The following BRWD3 variants were observed in gnomAD, a reference collection of about 807,000 sequenced individuals.
BRWD3 encodes bromodomain and WD repeat-containing protein 3.
BRWD3 carries 10 observed loss-of-function variants against 149.7 expected under a neutral mutation model. That is an observed-to-expected ratio of 0.07 (90% CI 0.04 to 0.11). The LOEUF is 0.11. Among genes scored for constraint, BRWD3 ranks in the 10% least tolerant of loss-of-function variants. BRWD3 has a pLI of 1.00. For missense variants in BRWD3, 940 were observed against 1,373.2 expected (o/e 0.68, Z 4.99); for synonymous variants, 504 against 456.7 (o/e 1.10, Z -1.32).
At chrX:80,684,195 T>G (rs1339618005) in intron 36 of BRWD3, 33 bp from the exon 37 acceptor site, 2 of 1,138,931 alleles carry the variant, frequency 1.8e-6, no homozygotes, top group African/African-American at 1.8e-5. Context: ...AAATACTGTA[T>G]AGCAATATTA....
intron 14 of BRWD3, among the ~76,000 whole-genome samples, chrX:80,726,019 TATATAAC>T (rs2073228769): frequency 9.3e-6 from 1 of 107,912 alleles, no homozygotes; most frequent in African/African-American, 3.5e-5. Flanking sequence ...GTTATATGTC[TATATAAC>T]ATATAACATG....
rs1455728676 is a variant in BRWD3 at position 80,780,162 on chromosome X, G to A, written c.430+11692C>T. 6.3e-5 allele frequency among the ~76,000 whole-genome samples: 7 copies of A among 110,492 alleles called. No homozygotes were observed. The Admixed American group carries it at 6.8e-4, about 11-fold the overall frequency. The stretch of plus-strand genomic sequence containing the variant: ...CCTCCAACTAAACAAACCTGGCACT[G>A]TTTTACCTCTTCCCTTTGTGAAGCA... On this transcript the variant is annotated intron_variant, in intron 6 of 40. Coordinates refer to ENST00000373275, the MANE Select transcript of BRWD3 (RefSeq NM_153252.5).
At position 80,673,168 on chromosome X, in the gene BRWD3, G is replaced by A. The variant is rs1257515843; in HGVS notation, c.*3441C>T. The A allele has an allele frequency of 8.9e-6, 1 of 111,869 alleles. No individual in the cohort carries two copies. The highest frequency in any genetic ancestry group is 3.2e-5 in the African/African-American group (1 of 30,808). The allele number at this position is 111,869 out of a possible 1,213,427, so 9.2% of individuals were successfully genotyped here. On this transcript the variant is annotated 3_prime_UTR_variant, in exon 41 of 41. Transcript: ENST00000373275. ...GCTGAGTTAAATATCTGAGCGCACA[G>A]TTGTGCAGAATGAGATTTCTAATTT...
At chrX:80,795,814 CCAG>C (rs1233983811) in intron 4 of BRWD3, among the ~76,000 whole-genome samples, 9 of 110,418 alleles carry the variant, frequency 8.2e-5, no homozygotes, top group Admixed American at 7.7e-4. Flanking sequence ...GCCTGTAGTC[CCAG>C]CTACTCGGGA....
In BRWD3 at chrX:80,681,369, A is replaced by C; in HGVS notation, c.4626T>G (p.Phe1542Leu). 8.3e-7 allele frequency: 1 copy of C among 1,210,950 alleles called. No individual in the cohort carries two copies. Among genetic ancestry groups the C allele is most frequent in the Non-Finnish European group, 1.1e-6 (1 of 895,077 alleles). The part of the protein sequence containing the change: ...NSHDPGKAKS[F>L]RNRVLPVKQD... The stretch of plus-strand genomic sequence containing the variant: ...GTTTAACTGGCAAAACTCTATTCCG[A>C]AATGATTTGGCTTTCCCTGGGTCAT... Residue 1542 changes from phenylalanine to leucine, a missense_variant, in exon 40 of 41, where the codon TTT becomes TTG. By Grantham distance (22) the Phe-to-Leu change is conservative. This residue lies in a region of BRWD3 where 349 missense variants were observed against 419.6 expected (regional missense o/e 0.83). Coordinates refer to ENST00000373275, the MANE Select transcript of BRWD3 (RefSeq NM_153252.5).
At position 80,809,243 on chromosome X, in the gene BRWD3, T is replaced by C. The variant is rs1187885321; in HGVS notation, c.90+3A>G. The C allele has an allele frequency of 4.2e-6, 5 of 1,198,528 alleles. No homozygotes were observed. The highest frequency in any genetic ancestry group is 5.6e-6 in the Non-Finnish European group (5 of 887,641). On this transcript the variant is annotated splice_donor_region_variant and intron_variant, in intron 2 of 40. Coordinates refer to ENST00000373275, the MANE Select transcript of BRWD3 (RefSeq NM_153252.5). ...GACTCCCAGATCTCTTTCTTCCCCT[T>C]ACCTGAGCGGATTTGTTGCAGGGTC...
In BRWD3 at chrX:80,672,228, T is replaced by C. The variant is rs1293385781; in HGVS notation, c.*4381A>G. 1.8e-5 allele frequency: 2 copies of C among 109,203 alleles called. No homozygotes were observed. Among genetic ancestry groups the C allele is most frequent in the African/African-American group, 6.7e-5 (2 of 29,928 alleles). The allele number at this position is 109,203 out of a possible 1,213,427, so 9.0% of individuals were successfully genotyped here. Reference sequence around the variant, plus strand: ...CAAAAATTGCCAATCTTAAGTGTGGTAAATTAGGTGCAGTTTTCATGGCAG... The same window carrying C: ...CAAAAATTGCCAATCTTAAGTGTGGCAAATTAGGTGCAGTTTTCATGGCAG... On this transcript the variant is annotated 3_prime_UTR_variant, in exon 41 of 41. Transcript: ENST00000373275.
At chrX:80,728,720 C>A in intron 14 of BRWD3, 32 bp downstream of exon 14, 1 of 1,137,069 alleles carries the variant, frequency 8.8e-7, no homozygotes, top group East Asian at 3.1e-5. Flanking sequence ...GCTTTTTGAC[C>A]ATTTTAATTA....
At chrX:80,785,078 T>C (rs909453275) in intron 6 of BRWD3, among the ~76,000 whole-genome samples, 2 of 112,239 alleles carry the variant, frequency 1.8e-5, no homozygotes, top group African/African-American at 6.5e-5. Flanking sequence ...AGTGTAACTA[T>C]GGCAAAGTTT....
chrX:80,726,514 A>C (rs942135899), intron 14 of BRWD3, among the ~76,000 whole-genome samples: 1 of 110,899 alleles, frequency 9.0e-6, no homozygotes, highest in Non-Finnish European at 1.9e-5. Flanking sequence ...GATTAAGAAC[A>C]GGCTCCAAGC....
intron 17 of BRWD3, among the ~76,000 whole-genome samples, chrX:80,720,879 A>G (rs767318697): frequency 2.7e-5 from 3 of 111,192 alleles, no homozygotes; most frequent in Non-Finnish European, 5.7e-5. Context: ...ACAAATATGT[A>G]CCATTGTATG....
chrX:80,700,175 T>C (rs1372583232), intron 24 of BRWD3, 111 bp from the exon 25 acceptor site: 1 of 572,663 alleles, frequency 1.7e-6, no homozygotes, highest in Non-Finnish European at 2.8e-6. Flanking sequence ...ATAATTATAA[T>C]ATTGAAAGAC....
At chrX:80,697,050 C>T (rs1435330459) in intron 25 of BRWD3, among the ~76,000 whole-genome samples, 187 bp from the exon 26 acceptor site, 1 of 111,259 alleles carries the variant, frequency 9.0e-6, no homozygotes, top group African/African-American at 3.3e-5. Context: ...TAGTGCAAGG[C>T]TCTAAACCAA....
intron 6 of BRWD3, among the ~76,000 whole-genome samples, chrX:80,791,110 T>C (rs1301434490): frequency 1.8e-5 from 2 of 112,419 alleles, no homozygotes; most frequent in Non-Finnish European, 3.8e-5. Context: ...CTAAACTACA[T>C]AAGCTTAATG....
In BRWD3 at chrX:80,724,965, G is replaced by A. The variant is rs1440107192; in HGVS notation, c.1489C>T (p.Arg497Trp). The change falls in exon 15 of 41, where the codon CGG (arginine) becomes TGG (tryptophan). Residue 497 changes from arginine (R) to tryptophan (W), a missense_variant. Around this residue, in one of 6 missense-constraint regions of BRWD3, gnomAD observed 209 missense variants for 396.8 expected, o/e 0.53. Coordinates refer to ENST00000373275, the MANE Select transcript of BRWD3 (RefSeq NM_153252.5). ...DGNIFIWDLD[R>W]GTKIRNYFNM... ...AAGTAATTCCGAATTTTGGTCCCCC[G>A]GTCAAGGTCCCAAATAAAAATGTTC... 6.6e-6 allele frequency: 8 copies of A among 1,210,091 alleles called. No individual in the cohort carries two copies. Among genetic ancestry groups the A allele is most frequent in the Non-Finnish European group, 8.9e-6 (8 of 894,435 alleles).
At chrX:80,793,000 A>G (rs772514067) in intron 5 of BRWD3, among the ~76,000 whole-genome samples, 1 of 108,086 alleles carries the variant, frequency 9.3e-6, no homozygotes, top group African/African-American at 3.4e-5. Context: ...TGTCTGTACT[A>G]AAAATACAAA....
At position 80,676,191 on chromosome X, in the gene BRWD3, T is replaced by C. The variant is rs2072364032; in HGVS notation, c.*418A>G. On this transcript the variant is annotated 3_prime_UTR_variant, in exon 41 of 41. Transcript: ENST00000373275. ...ATCAAAATGGCAAAAACAAACTATA[T>C]AAAACTCTGTAAGAAGGTGCTATAC... is the stretch of plus-strand genomic sequence containing the variant. 6.8e-6 allele frequency: 1 copy of C among 146,372 alleles called. No homozygotes were observed. The highest frequency in any genetic ancestry group is 1.9e-4 in the South Asian group (1 of 5,200). 12.1% of individuals were successfully genotyped at this position (146,372 alleles called of 1,213,427 possible).
chrX:80,676,480 C>T lies in BRWD3; in HGVS notation c.*129G>A. 1 of 819,593 alleles carries T rather than the reference C, an allele frequency of 1.2e-6. No homozygotes were observed. The highest frequency in any genetic ancestry group is 1.8e-6 in the Non-Finnish European group (1 of 569,870). The allele number at this position is 819,593 out of a possible 1,213,427, so 67.5% of individuals were successfully genotyped here. A position where few individuals can be genotyped will look rare whatever the true frequency, so the allele number is the denominator to read the frequency against. On this transcript the variant is annotated 3_prime_UTR_variant, in exon 41 of 41. Transcript: ENST00000373275. Reference sequence around the variant, plus strand: ...AAGTCTTGAAACAAATGTATACTGGCATAAATGGAAAAGCACCAATGTGAA... The same window carrying T: ...AAGTCTTGAAACAAATGTATACTGGTATAAATGGAAAAGCACCAATGTGAA...
intron 33 of BRWD3, among the ~76,000 whole-genome samples, chrX:80,689,374 G>A (rs1393515484): frequency 1.8e-5 from 2 of 111,417 alleles, no homozygotes; most frequent in African/African-American, 3.3e-5. Context: ...CAAAAATTTA[G>A]ACTTTCAAGC....
Sources: gnomAD v4.1 joint callset for allele counts (sites outside exome capture counted in the v4.1 genomes callset) on GRCh38, gnomAD v4.1.1 for gene constraint, gnomAD v4.1.1 regional missense constraint, MANE v1.5 for transcripts, NCBI Gene and HGNC (gene_info 2026-07-23, HGNC 2026-07-21) for gene names.